The following PRRT4 variants were observed in gnomAD, a reference collection of about 807,000 sequenced individuals.
PRRT4 encodes the protein proline-rich transmembrane protein 4.
A neutral mutation model predicts 55.6 loss-of-function variants in PRRT4; 59 were observed. The ratio of observed to expected loss-of-function variants is 1.06; its 90% confidence interval spans 0.86 to 1.32. PRRT4 has a LOEUF of 1.32. Ranked by LOEUF, PRRT4 falls within the 40% of genes most tolerant of loss-of-function variation. The pLI is 0.00. For missense variants in PRRT4, 1,217 were observed against 1,222.0 expected, an observed-to-expected ratio of 1.00 and a Z score of 0.06; for synonymous variants, 606 against 601.8, an observed-to-expected ratio of 1.01 and a Z score of -0.10.
In PRRT4 at chr7:128,359,345, G is replaced by T. The variant is rs1216015610; in HGVS notation, c.647C>A (p.Pro216His). 9 of 1,478,618 alleles carry T rather than the reference G, an allele frequency of 6.1e-6. No homozygotes were observed. Among genetic ancestry groups the T allele is most frequent in the Non-Finnish European group, 9.0e-7 (1 of 1,116,464 alleles). The allele number at this position is 1,478,618 out of a possible 1,614,324, so 91.6% of individuals were successfully genotyped here. The change falls in exon 2 of 5, where the codon CCC becomes CAC. Residue 216 changes from proline to histidine, a missense_variant. Physicochemically the swap from Pro to His is moderately conservative, Grantham distance 77. Around this residue, in one of 3 missense-constraint regions of PRRT4, gnomAD observed 564 missense variants for 592.9 expected, o/e 0.95. Transcript: ENST00000535159. ...GGGATGGGGTGGTTACTCACCAAAG[G>T]GTCCCAGGCGCCCAGCAATCTCTGC...
At chr7:128,352,760 T>A in intron 4 of PRRT4, 82 bp from the exon 6 acceptor site, 1 of 1,304,894 alleles carries the variant, frequency 7.7e-7, no homozygotes, top group Non-Finnish European at 1.0e-6. Context: ...TGAATGCCAG[T>A]CAGAGTCCCC....
At chr7:128,352,476 C>T (rs530537093) in exon 5 of PRRT4, 2 of 1,540,202 alleles carry the variant, frequency 1.3e-6, no homozygotes, top group East Asian at 2.4e-5. Context: ...CCCAGGCCAG[C>T]CCCCAGCGAG....
At chr7:128,361,103 T>TCTCTCTCACA (rs1450661437) in intron 1 of PRRT4, among the ~76,000 whole-genome samples, 1 of 77,570 alleles carries the variant, frequency 1.3e-5, no homozygotes, top group African/African-American at 5.7e-5. Context: ...TCTCTCTCTC[T>TCTCTCTCACA]CACACACACA....
chr7:128,360,526 G>A (rs961309770), intron 1 of PRRT4, among the ~76,000 whole-genome samples: 1 of 152,178 alleles, frequency 6.6e-6, no homozygotes, highest in Non-Finnish European at 1.5e-5. Flanking sequence ...AGAAGTGCTG[G>A]CGCCCTCACT....
chr7:128,359,417 A>G (rs563718012), exon 2 of PRRT4: 39 of 1,465,856 alleles, frequency 2.7e-5, no homozygotes, highest in South Asian at 1.0e-4. Flanking sequence ...TCGATGCCCA[A>G]GCGTGGGGGC....
chr7:128,358,463 A>C lies in PRRT4; in HGVS notation c.877+218T>G, dbSNP rs1797161620. Reference sequence around the variant, plus strand: ...ACATCCTGCTCTGCCTCTCATTGCAAAACACTCAGGGGACCATTACTTAAC... The same window carrying C: ...ACATCCTGCTCTGCCTCTCATTGCACAACACTCAGGGGACCATTACTTAAC... On this transcript the variant is annotated intron_variant, in intron 4 of 4. Transcript: ENST00000535159. The surrounding 1 kb of genome is among the most constrained non-coding windows in gnomAD (Gnocchi z 4.4). Among the ~76,000 whole-genome samples, 1 of 152,140 alleles carries C rather than the reference A, an allele frequency of 6.6e-6. No homozygotes were observed. The highest frequency in any genetic ancestry group is 2.4e-5 in the African/African-American group (1 of 41,402).
At chr7:128,359,934 T>G (rs1178947180) in exon 2 of PRRT4, 10 of 1,453,858 alleles carry the variant, frequency 6.9e-6, no homozygotes, top group Admixed American at 2.7e-5. Flanking sequence ...GGGCCCACAG[T>G]AGCAGCAAAC....
At chr7:128,360,625 C>T (rs987421721) in intron 1 of PRRT4, among the ~76,000 whole-genome samples, 7 of 152,112 alleles carry the variant, frequency 4.6e-5, no homozygotes, top group Admixed American at 1.3e-4. Flanking sequence ...AGGCTCTGGC[C>T]AGAGAAGCAA....
chr7:128,353,404 CA>C (rs1279727318), intron 4 of PRRT4, among the ~76,000 whole-genome samples: 1 of 152,106 alleles, frequency 6.6e-6, no homozygotes, highest in Non-Finnish European at 1.5e-5. Context: ...ACTACTCCCC[CA>C]CCTTATCTCC....
intron 1 of PRRT4, among the ~76,000 whole-genome samples, chr7:128,360,911 A>G (rs921922985): frequency 6.6e-6 from 1 of 151,626 alleles, no homozygotes; most frequent in Admixed American, 6.6e-5. Flanking sequence ...GCACCCTTAC[A>G]TCACACACAT....
exon 5 of PRRT4, chr7:128,351,263 C>T: frequency 2.6e-6 from 4 of 1,539,912 alleles, no homozygotes; most frequent in Admixed American, 2.0e-5. Flanking sequence ...CCCAGCGAGG[C>T]GGTGCGGTAG....
At chr7:128,360,791 G>T (rs905142146) in intron 1 of PRRT4, among the ~76,000 whole-genome samples, 7 of 152,186 alleles carry the variant, frequency 4.6e-5, no homozygotes, top group African/African-American at 1.7e-4. Context: ...CAAGCTGGGC[G>T]AACTGCAGGC....
chr7:128,351,882 C>T, exon 5 of PRRT4: 6 of 1,326,278 alleles, frequency 4.5e-6, no homozygotes, highest in South Asian at 2.1e-5. Context: ...GGGCCGTGCG[C>T]GCCGCGCGCC....
chr7:128,353,512 ACT>A (rs1382285793), intron 4 of PRRT4, among the ~76,000 whole-genome samples: 1 of 152,048 alleles, frequency 6.6e-6, no homozygotes, highest in Non-Finnish European at 1.5e-5. Flanking sequence ...CTGTCTCAGC[ACT>A]CTGAGGAAAA....
chr7:128,360,077 A>G lies in PRRT4; in HGVS notation c.-72-14T>C. 1 of 1,111,146 alleles carries G rather than the reference A, an allele frequency of 9.0e-7. No homozygotes were observed. The highest frequency in any genetic ancestry group is 1.2e-6 in the Non-Finnish European group (1 of 866,350). 68.8% of individuals were successfully genotyped at this position (1,111,146 alleles called of 1,614,324 possible). ...AGGAGGAAGGTCCTGGAGAGAGGAG[A>G]GGCCCTGTGAGCCCTGGCTGTGGCC... On this transcript the variant is annotated splice_polypyrimidine_tract_variant and intron_variant, in intron 1 of 4. Transcript: ENST00000535159.
In PRRT4 at chr7:128,351,661, C is replaced by G. The variant is rs565144222; in HGVS notation, c.1895G>C (p.Arg632Pro). Residue 632 changes from arginine to proline, a missense_variant, in exon 5 of 5, where the codon CGC (arginine) becomes CCC (proline). Coordinates refer to ENST00000535159, the Ensembl canonical transcript of PRRT4. ...CAAGCGGAAGAGCTTGGCCCAGCAG[C>G]GCGGCGGCACGCGAGGACTGCAGAG... 7 of 1,512,708 alleles carry G rather than the reference C, an allele frequency of 4.6e-6. No individual in the cohort carries two copies. In the South Asian group the frequency reaches 7.3e-5, roughly 16 times the overall value. 93.7% of individuals were successfully genotyped at this position (1,512,708 alleles called of 1,614,324 possible). A position where few individuals can be genotyped will look rare whatever the true frequency, so the allele number is the denominator to read the frequency against.
At chr7:128,359,127 T>C (rs1345697311) in intron 3 of PRRT4, 22 bp downstream of exon 4, 5 of 1,548,010 alleles carry the variant, frequency 3.2e-6, no homozygotes, top group Non-Finnish European at 4.4e-6. Flanking sequence ...CACAATAGTT[T>C]ATTGCAATGA....
chr7:128,351,747 G>A, exon 5 of PRRT4: 1 of 1,455,890 alleles, frequency 6.9e-7, no homozygotes, highest in Non-Finnish European at 9.0e-7. Context: ...CCAGGCGCAG[G>A]CCTAGCTGGA....
chr7:128,352,112 C>G, exon 5 of PRRT4: 1 of 1,138,144 alleles, frequency 8.8e-7, no homozygotes, highest in Non-Finnish European at 1.1e-6. Context: ...CTCCCGAGGG[C>G]GGCGGCGGCC....
Sources: allele counts gnomAD v4.1 joint callset (sites outside exome capture counted in the v4.1 genomes callset), GRCh38; gene constraint gnomAD v4.1.1; regional missense constraint gnomAD v4.1.1; non-coding constraint Gnocchi (gnomAD v3.1); transcripts MANE v1.5; gene names NCBI Gene and HGNC (gene_info 2026-07-23, HGNC 2026-07-21).